ADK: variants seen among roughly 807,000 people sequenced by gnomAD.
ADK encodes adenosine kinase, also known as N6,N6-dimethyladenosine kinase.
A neutral mutation model predicts 44.7 loss-of-function variants in ADK; 24 were observed. That is an observed-to-expected ratio of 0.54 (90% CI 0.39 to 0.76). The LOEUF (loss-of-function observed/expected upper bound fraction) is 0.76, where lower values mean the gene tolerates loss of function less well. ADK is among the 30% of genes least tolerant of loss of function. The pLI, the probability that ADK is intolerant of heterozygous loss-of-function variation, is 0.00. For synonymous variants in ADK, 128 were observed against 142.6 expected (o/e 0.90, Z 0.73); for missense variants, 321 against 425.1 (o/e 0.76, Z 2.15).
intron 3 of ADK, among the ~76,000 whole-genome samples, chr10:74,300,687 T>C (rs1396914945): frequency 2.6e-5 from 4 of 152,148 alleles, no homozygotes; most frequent in Non-Finnish European, 5.9e-5. Flanking sequence ...CTTTATATGG[T>C]TTCTTAATTT....
chr10:74,414,357 G>A (rs763043305), intron 6 of ADK, among the ~76,000 whole-genome samples: 1 of 152,224 alleles, frequency 6.6e-6, no homozygotes, highest in Non-Finnish European at 1.5e-5. Context: ...TTGATGTTCA[G>A]TGAGTTACAC....
At chr10:74,606,878 G>C (rs1335525642) in intron 9 of ADK, among the ~76,000 whole-genome samples, 1 of 152,072 alleles carries the variant, frequency 6.6e-6, no homozygotes. Context: ...TCTCTTTGTA[G>C]GTCTCTAAGA....
chr10:74,590,200 C>T (rs976316069), intron 8 of ADK, among the ~76,000 whole-genome samples: 5 of 152,068 alleles, frequency 3.3e-5, no homozygotes, highest in African/African-American at 1.2e-4. Flanking sequence ...CTTACAGCAA[C>T]TTAAAGTGTT....
chr10:74,634,922 G>C (rs559048712), intron 9 of ADK, among the ~76,000 whole-genome samples: 26 of 152,206 alleles, frequency 1.7e-4, no homozygotes, highest in Admixed American at 1.4e-3. Context: ...TCCAGCCCAA[G>C]TGGACAGAGC....
At chr10:74,185,676 C>CAA (rs539050161) in intron 1 of ADK, among the ~76,000 whole-genome samples, 15,937 of 143,618 alleles carry the variant, frequency 0.11, 905 homozygotes, top group Middle Eastern at 0.19. Flanking sequence ...ACTAAAAATA[C>CAA]AAAAAAAAAA....
At chr10:74,223,011 T>C (rs912609085) in intron 2 of ADK, among the ~76,000 whole-genome samples, 1 of 152,080 alleles carries the variant, frequency 6.6e-6, no homozygotes, top group Non-Finnish European at 1.5e-5. Flanking sequence ...TAAAGTATAA[T>C]AATAAAAAAA....
intron 4 of ADK, chr10:74,344,742 TGTCA>T (rs1442587738): frequency 5.6e-6 from 1 of 178,916 alleles, no homozygotes; most frequent in East Asian, 1.7e-4. Flanking sequence ...GCAAGTTTAT[TGTCA>T]GTCCCAAGAA....
chr10:74,222,699 A>G (rs559576715), intron 2 of ADK, among the ~76,000 whole-genome samples: 64 of 152,306 alleles, frequency 4.2e-4, no homozygotes, highest in Admixed American at 7.2e-4. Flanking sequence ...TGATGAGTTT[A>G]TGTCCTTTTT....
In ADK at chr10:74,200,755, T is replaced by G. The variant is rs1843350178; in HGVS notation, c.66-9T>G. The G allele has an allele frequency of 1.3e-6, 2 of 1,596,620 alleles. No individual in the cohort carries two copies. Among genetic ancestry groups the G allele is most frequent in the South Asian group, 2.2e-5 (2 of 90,620 alleles). On this transcript the variant is annotated splice_polypyrimidine_tract_variant and intron_variant, in intron 1 of 10. Coordinates refer to ENST00000539909, the MANE Select transcript of ADK (RefSeq NM_006721.4). ...AAGTATTTCTAACTTGTGTTTTGTG[T>G]TTTTTTAGAGAAAATATTCTCTTTG...
chr10:74,685,608 T>G (rs1855757466), intron 10 of ADK, among the ~76,000 whole-genome samples: 1 of 152,224 alleles, frequency 6.6e-6, no homozygotes, highest in Non-Finnish European at 1.5e-5. Flanking sequence ...ACAATTGTAT[T>G]TAGATCATTC....
At chr10:74,203,790 T>G (rs188697657) in intron 2 of ADK, among the ~76,000 whole-genome samples, 154 of 151,630 alleles carry the variant, frequency 1.0e-3, no homozygotes, top group African/African-American at 3.5e-3. Context: ...ATTTTTAATT[T>G]GAGATCCCTC....
intron 6 of ADK, among the ~76,000 whole-genome samples, chr10:74,510,806 A>G (rs1244706597): frequency 6.6e-6 from 1 of 152,068 alleles, no homozygotes; most frequent in South Asian, 2.1e-4. Context: ...CTCCTAGGCT[A>G]AGGCAGTTCT....
At chr10:74,402,686 G>A (rs1032690771) in intron 6 of ADK, among the ~76,000 whole-genome samples, 4 of 152,094 alleles carry the variant, frequency 2.6e-5, no homozygotes, top group Non-Finnish European at 5.9e-5. Context: ...AGATGGGTTC[G>A]AACATCCTCC....
At chr10:74,678,629 G>T (rs1459531571) in intron 10 of ADK, among the ~76,000 whole-genome samples, 1 of 152,200 alleles carries the variant, frequency 6.6e-6, no homozygotes, top group Non-Finnish European at 1.5e-5. Context: ...CCAAAGCTCA[G>T]ATGTGAAACT....
At chr10:74,538,063 C>A (rs558352709) in intron 7 of ADK, among the ~76,000 whole-genome samples, 202 of 152,050 alleles carry the variant, frequency 1.3e-3, no homozygotes, top group Non-Finnish European at 1.5e-3. Flanking sequence ...TCCAGAACAG[C>A]CTGGCCAACA....
intron 9 of ADK, among the ~76,000 whole-genome samples, chr10:74,638,347 T>G: frequency 6.6e-6 from 1 of 152,198 alleles, no homozygotes; most frequent in East Asian, 1.9e-4. Context: ...ACATGCTCTA[T>G]ATCACCATAA....
chr10:74,363,704 G>C (rs1006584657), intron 4 of ADK, among the ~76,000 whole-genome samples: 1 of 152,182 alleles, frequency 6.6e-6, no homozygotes, highest in Non-Finnish European at 1.5e-5. Context: ...CTGTGTTGCA[G>C]AATCTGGAGA....
At chr10:74,547,953 C>T (rs1039875504) in intron 7 of ADK, among the ~76,000 whole-genome samples, 2 of 150,774 alleles carry the variant, frequency 1.3e-5, no homozygotes, top group African/African-American at 4.9e-5. Context: ...CCACCGCGCC[C>T]GGCCTAATTT....
intron 10 of ADK, among the ~76,000 whole-genome samples, chr10:74,707,934 C>T (rs1035985503): frequency 6.6e-5 from 10 of 150,380 alleles, no homozygotes; most frequent in Middle Eastern, 3.6e-3. Context: ...AGGCAGATCA[C>T]GAGGTCAGGA....
Sources: allele counts gnomAD v4.1 joint callset (sites outside exome capture counted in the v4.1 genomes callset), GRCh38; gene constraint gnomAD v4.1.1; transcripts MANE v1.5; gene names NCBI Gene and HGNC (gene_info 2026-07-23, HGNC 2026-07-21).